Variants in LHFPL3 observed in about 807,000 individuals in gnomAD.
LHFPL3 encodes LHFPL tetraspan subfamily member 3 protein.
LHFPL3 carries 5 observed loss-of-function variants against 19.3 expected under a neutral mutation model. The ratio of observed to expected loss-of-function variants is 0.26; its 90% CI spans 0.14 to 0.54. The LOEUF (loss-of-function observed/expected upper bound fraction) is 0.54, where lower values mean the gene tolerates loss of function less well. Ranked by LOEUF, LHFPL3 falls within the 20% of genes least tolerant of loss-of-function variation. The pLI, the probability that LHFPL3 is intolerant of heterozygous loss-of-function variation, is 0.94. For synonymous variants in LHFPL3, 133 were observed against 126.2 expected (o/e 1.05, Z -0.36); for missense variants, 249 against 307.4 (o/e 0.81, Z 1.42).
At chr7:104,441,862 C>T (rs1225656735) in intron 1 of LHFPL3, among the ~76,000 whole-genome samples, 1 of 152,228 alleles carries the variant, frequency 6.6e-6, no homozygotes, top group Non-Finnish European at 1.5e-5. Context: ...GTGTGAGCCA[C>T]TGCGCCTGGC....
chr7:104,411,165 A>G (rs1169436516), intron 1 of LHFPL3, among the ~76,000 whole-genome samples: 1 of 152,224 alleles, frequency 6.6e-6, no homozygotes, highest in Non-Finnish European at 1.5e-5. Flanking sequence ...CTTGCTGGCA[A>G]TCAGATGGTT....
chr7:104,412,600 C>T (rs985795891), intron 1 of LHFPL3, among the ~76,000 whole-genome samples: 2 of 151,954 alleles, frequency 1.3e-5, no homozygotes, highest in African/African-American at 2.4e-5. Context: ...TGGTCTCAGA[C>T]CTCCAACGCA....
At chr7:104,484,006 A>G (rs1438770751) in intron 1 of LHFPL3, among the ~76,000 whole-genome samples, 1 of 152,196 alleles carries the variant, frequency 6.6e-6, no homozygotes, top group Non-Finnish European at 1.5e-5. Context: ...TGGCAACTTT[A>G]TTAGTAGGTC....
chr7:104,803,690 A>G (rs1322925670), intron 2 of LHFPL3, among the ~76,000 whole-genome samples: 2 of 152,262 alleles, frequency 1.3e-5, no homozygotes, highest in Non-Finnish European at 2.9e-5. Flanking sequence ...CTGAGTAGGT[A>G]CATTTGTGCA....
chr7:104,329,260 C>G (rs1801523549), intron 1 of LHFPL3, 36 bp downstream of exon 1: 3 of 1,553,718 alleles, frequency 1.9e-6, no homozygotes, highest in Non-Finnish European at 2.6e-6. Flanking sequence ...GGCGGAGGAC[C>G]CCGGGGCGCC....
intron 1 of LHFPL3, among the ~76,000 whole-genome samples, chr7:104,617,715 A>G (rs1375146565): frequency 3.9e-5 from 6 of 152,316 alleles, no homozygotes; most frequent in Non-Finnish European, 8.8e-5. Context: ...CCCAAAGCTC[A>G]CTACTCTGTA....
intron 1 of LHFPL3, among the ~76,000 whole-genome samples, chr7:104,429,304 T>TTA (rs2116551875): frequency 7.1e-6 from 1 of 140,274 alleles, no homozygotes; most frequent in East Asian, 2.0e-4. Context: ...GTCATTCCTT[T>TTA]TTTTTTTTTT....
At chr7:104,347,134 G>A (rs562721277) in intron 1 of LHFPL3, among the ~76,000 whole-genome samples, 69 of 151,918 alleles carry the variant, frequency 4.5e-4, no homozygotes, top group African/African-American at 1.4e-3. Flanking sequence ...TATCACCATC[G>A]CCATTGTCTT....
At chr7:104,567,854 C>T (rs758011948) in intron 1 of LHFPL3, among the ~76,000 whole-genome samples, 3 of 152,164 alleles carry the variant, frequency 2.0e-5, no homozygotes, top group Middle Eastern at 3.2e-3. Context: ...CTGCATTGAC[C>T]TGTGGACCCT....
intron 1 of LHFPL3, among the ~76,000 whole-genome samples, chr7:104,670,234 T>C (rs1351857305): frequency 1.3e-5 from 2 of 149,984 alleles, no homozygotes; most frequent in Admixed American, 1.3e-4. Flanking sequence ...AATGGGAAAA[T>C]CGTGGTTTGA....
At chr7:104,653,044 A>G (rs1402665675) in intron 1 of LHFPL3, among the ~76,000 whole-genome samples, 1 of 17,086 alleles carries the variant, frequency 5.9e-5, no homozygotes, top group Admixed American at 1.1e-3. Context: ...TGGCTGGAAC[A>G]AACAGTAAAT....
intron 1 of LHFPL3, among the ~76,000 whole-genome samples, chr7:104,444,696 G>T (rs549129696): frequency 3.3e-5 from 5 of 152,168 alleles, no homozygotes; most frequent in African/African-American, 1.2e-4. Flanking sequence ...TTTTTTAAAG[G>T]AATATTTATA....
chr7:104,437,415 G>A (rs1792131089), intron 1 of LHFPL3, among the ~76,000 whole-genome samples: 3 of 152,096 alleles, frequency 2.0e-5, no homozygotes, highest in Admixed American at 2.0e-4. Flanking sequence ...ATTCTCTGAT[G>A]AACAACAACG....
intron 1 of LHFPL3, among the ~76,000 whole-genome samples, chr7:104,603,128 TTCTTTTTTC>T (rs1562947524): frequency 1.3e-3 from 174 of 136,326 alleles, no homozygotes; most frequent in African/African-American, 4.4e-3. Context: ...CTTTCTTTCT[TTCTTTTTTC>T]CCTTCCTTCC....
chr7:104,675,572 TAGG>T (rs1792574287), intron 1 of LHFPL3, among the ~76,000 whole-genome samples: 1 of 152,062 alleles, frequency 6.6e-6, no homozygotes, highest in Non-Finnish European at 1.5e-5. Flanking sequence ...ATAAAGCAAT[TAGG>T]AGTCAGTTGC....
intron 1 of LHFPL3, among the ~76,000 whole-genome samples, chr7:104,710,117 T>C (rs951496918): frequency 6.6e-6 from 1 of 152,202 alleles, no homozygotes; most frequent in Non-Finnish European, 1.5e-5. Context: ...GGTCAGGAGC[T>C]GGAGACCAGC....
At chr7:104,682,827 A>T (rs1458932672) in intron 1 of LHFPL3, among the ~76,000 whole-genome samples, 1 of 152,204 alleles carries the variant, frequency 6.6e-6, no homozygotes, top group Non-Finnish European at 1.5e-5. Flanking sequence ...TTCAGGGGGA[A>T]TCATTTTCTT....
At chr7:104,681,281 C>A (rs1470993548) in intron 1 of LHFPL3, among the ~76,000 whole-genome samples, 2 of 151,546 alleles carry the variant, frequency 1.3e-5, no homozygotes, top group African/African-American at 4.8e-5. Context: ...TATCCTTAGG[C>A]AACCTCTAGA....
intron 1 of LHFPL3, among the ~76,000 whole-genome samples, chr7:104,361,752 TA>T (rs1231312663): frequency 6.6e-6 from 1 of 152,208 alleles, no homozygotes; most frequent in Non-Finnish European, 1.5e-5. Flanking sequence ...TGTATGCTTG[TA>T]ATGGGGTCAA....
Sources: gnomAD v4.1 joint callset for allele counts (sites outside exome capture counted in the v4.1 genomes callset) on GRCh38, gnomAD v4.1.1 for gene constraint, MANE v1.5 for transcripts, NCBI Gene and HGNC (gene_info 2026-07-23, HGNC 2026-07-21) for gene names.